EYS: variants seen among roughly 807,000 people sequenced by gnomAD.
EYS encodes EGF-like photoreceptor maintenance factor.
In EYS, 250 loss-of-function variants were observed where a neutral mutation model predicts 282.1. The observed-to-expected ratio is 0.89, with a 90% CI of 0.80 to 0.98. EYS has a LOEUF of 0.98. EYS is among the 50% of genes least tolerant of loss of function. The pLI, the probability that EYS is intolerant of heterozygous loss-of-function variation, is 0.00. For synonymous variants in EYS, 1,355 were observed against 1,282.9 expected, an observed-to-expected ratio of 1.06 and a Z score of -1.20; for missense variants, 4,016 against 3,709.0, an observed-to-expected ratio of 1.08 and a Z score of -2.15.
At chr6:65,369,580 T>A (rs564632426) in intron 8 of EYS, among the ~76,000 whole-genome samples, 1 of 151,334 alleles carries the variant, frequency 6.6e-6, no homozygotes, top group Admixed American at 6.8e-5. Flanking sequence ...ATGCATTTGA[T>A]CTTTCCTTTT....
chr6:64,232,793 A>G (rs904926623), intron 30 of EYS, among the ~76,000 whole-genome samples: 1 of 151,722 alleles, frequency 6.6e-6, no homozygotes, highest in Non-Finnish European at 1.5e-5. Flanking sequence ...TATAAATAAT[A>G]TAAGTTCTAA....
chr6:63,863,867 G>A (rs971937744), intron 36 of EYS, among the ~76,000 whole-genome samples: 10 of 151,534 alleles, frequency 6.6e-5, no homozygotes, highest in African/African-American at 2.4e-4. Flanking sequence ...GTAGAGACGG[G>A]GTTTCACCAT....
chr6:65,705,558 C>T (rs1180172173), intron 1 of EYS, among the ~76,000 whole-genome samples: 3 of 151,990 alleles, frequency 2.0e-5, no homozygotes, highest in Admixed American at 6.6e-5. Flanking sequence ...TTTAGTAATT[C>T]CATGGAAAAA....
chr6:65,387,325 A>T (rs1438638623), intron 7 of EYS, among the ~76,000 whole-genome samples: 1 of 151,922 alleles, frequency 6.6e-6, no homozygotes, highest in East Asian at 1.9e-4. Context: ...CATTTTGGTA[A>T]ATGTTTTATG....
intron 26 of EYS, among the ~76,000 whole-genome samples, chr6:64,543,922 G>T (rs1426633141): frequency 6.6e-6 from 1 of 152,146 alleles, no homozygotes; most frequent in Non-Finnish European, 1.5e-5. Context: ...AACTTTATAT[G>T]CCCTGCTCTA....
intron 29 of EYS, among the ~76,000 whole-genome samples, chr6:64,369,334 GTC>G (rs1226645928): frequency 1.3e-5 from 2 of 152,050 alleles, no homozygotes; most frequent in African/African-American, 4.8e-5. Flanking sequence ...TTGTAGTATA[GTC>G]TGGTAATGTG....
intron 5 of EYS, among the ~76,000 whole-genome samples, chr6:65,454,050 G>GGATT (rs1764510409): frequency 8.9e-6 from 1 of 112,332 alleles, no homozygotes; most frequent in Non-Finnish European, 2.1e-5. Context: ...AACCACTGGG[G>GGATT]GATTGTTGGA....
intron 12 of EYS, among the ~76,000 whole-genome samples, chr6:65,191,332 ATT>A (rs1765636631): frequency 6.6e-6 from 1 of 151,844 alleles, no homozygotes; most frequent in Admixed American, 6.6e-5. Context: ...GTTAAATATC[ATT>A]TGACCTAATG....
intron 31 of EYS, among the ~76,000 whole-genome samples, chr6:64,211,160 T>C (rs540590947): frequency 6.6e-6 from 1 of 152,262 alleles, no homozygotes; most frequent in South Asian, 2.1e-4. Flanking sequence ...ATTAATCTCC[T>C]CTAATCTATC....
chr6:65,660,795 T>C (rs1351165662), intron 1 of EYS, among the ~76,000 whole-genome samples: 1 of 151,900 alleles, frequency 6.6e-6, no homozygotes, highest in Admixed American at 6.6e-5. Flanking sequence ...TGTGAAGCTT[T>C]GTAAACTTAT....
intron 13 of EYS, among the ~76,000 whole-genome samples, chr6:65,033,866 C>T (rs959999148): frequency 3.9e-5 from 6 of 152,132 alleles, no homozygotes; most frequent in Non-Finnish European, 8.8e-5. Context: ...AAAGGTAGAT[C>T]CACTGACAGC....
intron 12 of EYS, among the ~76,000 whole-genome samples, chr6:65,110,448 C>A (rs1775181298): frequency 6.6e-6 from 1 of 152,084 alleles, no homozygotes; most frequent in South Asian, 2.1e-4. Flanking sequence ...GAAATTTTTA[C>A]CTCTGTTTTA....
At chr6:64,881,027 A>C (rs981868521) in intron 19 of EYS, among the ~76,000 whole-genome samples, 5 of 151,700 alleles carry the variant, frequency 3.3e-5, no homozygotes, top group African/African-American at 1.2e-4. Flanking sequence ...CCATTCTCTG[A>C]CACACCTGGC....
chr6:65,134,810 T>A (rs916435238), intron 12 of EYS, among the ~76,000 whole-genome samples: 2 of 151,956 alleles, frequency 1.3e-5, no homozygotes, highest in African/African-American at 2.4e-5. Flanking sequence ...GAATGGCAAA[T>A]TACATTGTGG....
chr6:64,055,817 T>C (rs1770965409), intron 33 of EYS, among the ~76,000 whole-genome samples: 1 of 152,182 alleles, frequency 6.6e-6, no homozygotes, highest in Non-Finnish European at 1.5e-5. Context: ...TTTAGCTCCC[T>C]GGTTACTATG....
At chr6:64,448,481 C>T (rs1775199503) in intron 26 of EYS, among the ~76,000 whole-genome samples, 1 of 152,220 alleles carries the variant, frequency 6.6e-6, no homozygotes, top group Admixed American at 6.5e-5. Context: ...ACTTAAATGT[C>T]CCTGTCCGAT....
At chr6:65,109,926 G>T (rs1235387168) in intron 12 of EYS, among the ~76,000 whole-genome samples, 2 of 152,074 alleles carry the variant, frequency 1.3e-5, no homozygotes, top group Non-Finnish European at 2.9e-5. Context: ...GTGAAAACTG[G>T]AATCAAAAAT....
At chr6:64,641,695 G>C (rs561079409) in intron 22 of EYS, among the ~76,000 whole-genome samples, 1 of 152,134 alleles carries the variant, frequency 6.6e-6, no homozygotes, top group African/African-American at 2.4e-5. Flanking sequence ...ACTGGTACAG[G>C]TCCATGGCCT....
Position 64,853,465 on chromosome 6 carries a change from T to C in EYS, c.2993-30643A>G, listed in dbSNP as rs1469108165. On this transcript the variant is annotated intron_variant, in intron 19 of 42. Transcript: ENST00000503581. ...GACTATGAGAAGCTTCTGTTATACT[T>C]TTTTTGTTCAAATTTGCCTCAACCA... Among the ~76,000 whole-genome samples the C allele has an allele frequency of 1.4e-4, 21 of 152,258 alleles. No homozygotes were observed. In the East Asian group the frequency reaches 3.7e-3, roughly 27 times the overall value.
Sources: allele counts gnomAD v4.1 joint callset (sites outside exome capture counted in the v4.1 genomes callset), GRCh38; gene constraint gnomAD v4.1.1; transcripts MANE v1.5; gene names NCBI Gene and HGNC (gene_info 2026-07-23, HGNC 2026-07-21).